CAST: variants seen among roughly 807,000 people sequenced by gnomAD.
CAST encodes the protein MIR583 host.
A neutral mutation model predicts 119.6 loss-of-function variants in CAST; 76 were observed. The observed-to-expected ratio is 0.64, with a 90% confidence interval of 0.53 to 0.77. CAST has a LOEUF of 0.77. Ranked by LOEUF, CAST falls within the 30% of genes least tolerant of loss-of-function variation. The pLI is 0.00. For missense variants in CAST, 953 were observed against 946.5 expected, an observed-to-expected ratio of 1.01 and a Z score of -0.09; for synonymous variants, 319 against 331.6, an observed-to-expected ratio of 0.96 and a Z score of 0.41.
At chr5:96,587,488 C>A (rs987013016) in intron 1 of CAST, among the ~76,000 whole-genome samples, 3 of 152,098 alleles carry the variant, frequency 2.0e-5, no homozygotes, top group African/African-American at 7.2e-5. Context: ...GTTAAGTAGG[C>A]AAATATTTTG....
At chr5:96,280,494 C>A in the CAST span, among the ~76,000 whole-genome samples, 1 of 152,188 alleles carries the variant, frequency 6.6e-6, no homozygotes, top group Non-Finnish European at 1.5e-5. Flanking sequence ...AGTCTCTGTA[C>A]GGAGAGAGCC....
At chr5:96,374,894 G>A in the CAST span, among the ~76,000 whole-genome samples, 1 of 152,136 alleles carries the variant, frequency 6.6e-6, no homozygotes, top group Non-Finnish European at 1.5e-5. Flanking sequence ...TCAGGGCTGA[G>A]CAGTGGGTGG....
At chr5:96,369,452 G>A in the CAST span, among the ~76,000 whole-genome samples, 1 of 152,148 alleles carries the variant, frequency 6.6e-6, no homozygotes, top group African/African-American at 2.4e-5. Flanking sequence ...GCAGCCCTTA[G>A]CTGCCTCTTG....
At chr5:96,692,982 C>A (rs1752899096) in intron 2 of CAST, among the ~76,000 whole-genome samples, 1 of 152,174 alleles carries the variant, frequency 6.6e-6, no homozygotes, top group Non-Finnish European at 1.5e-5. Context: ...GCCAAAACAA[C>A]ATGTAATTAA....
At chr5:96,759,993 A>C (rs1581337232) in intron 24 of CAST, among the ~76,000 whole-genome samples, 1 of 152,194 alleles carries the variant, frequency 6.6e-6, no homozygotes, top group East Asian at 1.9e-4. Flanking sequence ...AACCTAAAAA[A>C]AGACTGAAGA....
At chr5:96,532,603 A>C (rs1489779865) in intron 1 of CAST, among the ~76,000 whole-genome samples, 3 of 152,162 alleles carry the variant, frequency 2.0e-5, no homozygotes, top group African/African-American at 4.8e-5. Context: ...GAATCTCAGC[A>C]CTTTGGGAGG....
chr5:96,540,204 A>G (rs1745886765), intron 1 of CAST, among the ~76,000 whole-genome samples: 1 of 152,048 alleles, frequency 6.6e-6, no homozygotes, highest in Non-Finnish European at 1.5e-5. Flanking sequence ...TTTTTTAAAT[A>G]TTTAAATCAT....
the CAST span, among the ~76,000 whole-genome samples, chr5:96,105,535 A>G: frequency 1.4e-4 from 21 of 152,260 alleles, no homozygotes; most frequent in Middle Eastern, 6.8e-3. Flanking sequence ...GCTGGATTAC[A>G]TTTATTGATT....
At chr5:96,192,584 G>C in the CAST span, among the ~76,000 whole-genome samples, 5 of 152,330 alleles carry the variant, frequency 3.3e-5, no homozygotes, top group African/African-American at 4.8e-5. Context: ...GGATGTGATA[G>C]GTTGCATTAA....
At chr5:96,622,767 A>G (rs1747642383) in intron 1 of CAST, among the ~76,000 whole-genome samples, 1 of 147,790 alleles carries the variant, frequency 6.8e-6, no homozygotes, top group Non-Finnish European at 1.5e-5. Flanking sequence ...TAATTCATAT[A>G]TTTTCTTAAG....
the CAST span, among the ~76,000 whole-genome samples, chr5:96,134,895 G>A: frequency 6.6e-6 from 1 of 152,170 alleles, no homozygotes; most frequent in African/African-American, 2.4e-5. Flanking sequence ...GGTAAGTGGG[G>A]ACAACTTTGA....
chr5:96,619,919 A>G (rs1182151820), intron 1 of CAST, among the ~76,000 whole-genome samples: 3 of 152,198 alleles, frequency 2.0e-5, no homozygotes, highest in Non-Finnish European at 4.4e-5. Flanking sequence ...CTCACTAACC[A>G]TGTGACGTTG....
chr5:96,542,134 C>G (rs1315513907), intron 1 of CAST, among the ~76,000 whole-genome samples: 2 of 152,006 alleles, frequency 1.3e-5, no homozygotes, highest in African/African-American at 4.8e-5. Context: ...CACAGTGAAA[C>G]CCCGTCTCTA....
chr5:96,690,566 T>C (rs879266765), intron 2 of CAST, among the ~76,000 whole-genome samples: 1 of 152,196 alleles, frequency 6.6e-6, no homozygotes, highest in Non-Finnish European at 1.5e-5. Context: ...TATGAGTTAA[T>C]GGTAAGGCTT....
chr5:96,764,578 A>C (rs3822681), intron 25 of CAST, among the ~76,000 whole-genome samples: 14,714 of 151,686 alleles, frequency 0.097, 867 homozygotes, highest in African/African-American at 0.16. Context: ...AGCCCCTTCC[A>C]CTCTCCTGAC....
the CAST span, among the ~76,000 whole-genome samples, chr5:96,141,251 A>G: frequency 6.6e-6 from 1 of 152,122 alleles, no homozygotes; most frequent in Admixed American, 6.5e-5. Flanking sequence ...TGGATTTTTG[A>G]TGTTAAAATA....
intron 1 of CAST, among the ~76,000 whole-genome samples, chr5:96,606,898 C>T (rs1001013220): frequency 6.6e-6 from 1 of 152,124 alleles, no homozygotes; most frequent in African/African-American, 2.4e-5. Context: ...GCCTTGGGGC[C>T]CTCCCCAGGC....
At chr5:96,581,891 A>AG (rs1746776406) in intron 1 of CAST, among the ~76,000 whole-genome samples, 1 of 107,870 alleles carries the variant, frequency 9.3e-6, no homozygotes, top group Non-Finnish European at 1.8e-5. Context: ...ACTCTGTCTC[A>AG]AAAAATAAAT....
chr5:96,642,300 A>C (rs1389050613), intron 1 of CAST, among the ~76,000 whole-genome samples: 1 of 152,312 alleles, frequency 6.6e-6, no homozygotes, highest in South Asian at 2.1e-4. Context: ...CATGGTACAT[A>C]ATATGTCCTC....
Sources: allele counts gnomAD v4.1 joint callset (sites outside exome capture counted in the v4.1 genomes callset), GRCh38; gene constraint gnomAD v4.1.1; transcripts MANE v1.5; gene names NCBI Gene and HGNC (gene_info 2026-07-23, HGNC 2026-07-21).